NRF1: variants seen among roughly 807,000 people sequenced by gnomAD.
NRF1 encodes the protein nuclear respiratory factor 1.
NRF1 carries 5 observed loss-of-function variants against 58.5 expected under a neutral mutation model. That is an observed-to-expected ratio of 0.09 (90% CI 0.04 to 0.18). NRF1 has a LOEUF of 0.18. Ranked by LOEUF, NRF1 falls within the 10% of genes least tolerant of loss-of-function variation. The pLI is 1.00. For missense variants in NRF1, 288 were observed against 657.7 expected (o/e 0.44, Z 6.15); for synonymous variants, 224 against 246.7 (o/e 0.91, Z 0.86).
chr7:129,662,280 G>A (rs1016306289), intron 2 of NRF1, among the ~76,000 whole-genome samples: 1 of 151,714 alleles, frequency 6.6e-6, no homozygotes, highest in South Asian at 2.1e-4. Context: ...ATTTATTAAG[G>A]TGCTTCTAAA....
intron 5 of NRF1, among the ~76,000 whole-genome samples, chr7:129,694,618 T>G (rs1312235841): frequency 6.6e-6 from 1 of 152,244 alleles, no homozygotes; most frequent in African/African-American, 2.4e-5. Context: ...TTCTCCCATC[T>G]TGGCCTCCCA....
At chr7:129,673,467 C>T (rs993851908) in intron 3 of NRF1, among the ~76,000 whole-genome samples, 6 of 152,214 alleles carry the variant, frequency 3.9e-5, no homozygotes, top group East Asian at 1.9e-4. Flanking sequence ...CGGTGGCTCA[C>T]GCCTGTAATC....
intron 2 of NRF1, among the ~76,000 whole-genome samples, chr7:129,659,169 C>G (rs1400773861): frequency 1.4e-5 from 2 of 147,214 alleles, no homozygotes; most frequent in East Asian, 4.2e-4. Context: ...GCTTCTGCCT[C>G]CTGGGTTGGA....
intron 1 of NRF1, among the ~76,000 whole-genome samples, chr7:129,648,436 C>T (rs765098368): frequency 4.0e-5 from 6 of 151,828 alleles, no homozygotes; most frequent in South Asian, 2.1e-4. Flanking sequence ...CCCGCCACCA[C>T]GCCCGGCTAA....
intron 1 of NRF1, among the ~76,000 whole-genome samples, chr7:129,651,516 G>A (rs1259949409): frequency 6.6e-6 from 1 of 152,036 alleles, no homozygotes; most frequent in Non-Finnish European, 1.5e-5. Context: ...AGCCTGTGAA[G>A]CAGACAGCCC....
At chr7:129,678,983 G>C (rs1443789648) in intron 4 of NRF1, among the ~76,000 whole-genome samples, 1 of 152,104 alleles carries the variant, frequency 6.6e-6, no homozygotes, top group Non-Finnish European at 1.5e-5. Flanking sequence ...GATAAATACA[G>C]GTTAGGGACT....
In NRF1 at chr7:129,731,614, G is replaced by GTTTGTTTGT. The variant is rs542715058; in HGVS notation, c.1348+4252_1348+4260dup. On this transcript the variant is annotated intron_variant, in intron 10 of 10. Coordinates refer to ENST00000393232, the MANE Select transcript of NRF1 (RefSeq NM_005011.5). Reference sequence around the variant, plus strand: ...ACCAGATTAATTCCTTCCTTTACTTGTTTGTTTGTTTGTTTGTTTGTTTGT... The same window carrying GTTTGTTTGT: ...ACCAGATTAATTCCTTCCTTTACTTGTTTGTTTGTTTTGTTTGTTTGTTTGTTTGTTTGT... Among the ~76,000 whole-genome samples the GTTTGTTTGT allele has an allele frequency of 6.1e-3, 641 of 104,418 alleles. 4 individuals carry two copies. The highest frequency in any genetic ancestry group is 0.027 in the African/African-American group (610 of 22,474). 68.5% of individuals were successfully genotyped at this position (104,418 alleles called of 152,430 possible).
intron 1 of NRF1, among the ~76,000 whole-genome samples, chr7:129,656,644 G>A (rs1801662989): frequency 6.6e-6 from 1 of 151,880 alleles, no homozygotes; most frequent in South Asian, 2.1e-4. Context: ...GCACAACCTT[G>A]GCTCACTGCA....
intron 2 of NRF1, among the ~76,000 whole-genome samples, chr7:129,664,920 T>C (rs1801885415): frequency 6.6e-6 from 1 of 152,234 alleles, no homozygotes; most frequent in Non-Finnish European, 1.5e-5. Context: ...AGAGTTTGTT[T>C]CTGAAGGAGC....
At chr7:129,727,489 C>T (rs1308403094) in intron 10 of NRF1, 124 bp downstream of exon 10, 2 of 873,076 alleles carry the variant, frequency 2.3e-6, no homozygotes, top group Non-Finnish European at 3.3e-6. Flanking sequence ...CATTGGTAGA[C>T]ATTTCATGCC....
chr7:129,753,607 T>TA (rs940862835), intron 10 of NRF1, among the ~76,000 whole-genome samples: 64 of 152,354 alleles, frequency 4.2e-4, no homozygotes, highest in African/African-American at 1.4e-3. Context: ...TCCTTTTTTT[T>TA]AATGTATTAT....
At chr7:129,695,668 T>G (rs1379941347) in intron 5 of NRF1, among the ~76,000 whole-genome samples, 1 of 150,606 alleles carries the variant, frequency 6.6e-6, no homozygotes, top group Non-Finnish European at 1.5e-5. Flanking sequence ...CTCTTTCTTT[T>G]GGGAGATTTT....
intron 4 of NRF1, among the ~76,000 whole-genome samples, chr7:129,687,380 A>G (rs578025155): frequency 6.6e-5 from 10 of 151,934 alleles, no homozygotes; most frequent in Middle Eastern, 3.4e-3. Flanking sequence ...GGTTCAAGCA[A>G]TTCTCCTACC....
chr7:129,643,333 C>T (rs1339888873), intron 1 of NRF1, among the ~76,000 whole-genome samples: 2 of 152,206 alleles, frequency 1.3e-5, no homozygotes, highest in African/African-American at 4.8e-5. Context: ...TGCTGTTTCA[C>T]AGTATGCAGG....
intron 1 of NRF1, among the ~76,000 whole-genome samples, chr7:129,627,991 A>G (rs1412454079): frequency 7.8e-6 from 1 of 128,202 alleles, no homozygotes; most frequent in South Asian, 2.4e-4. Flanking sequence ...TTGGATTATT[A>G]TTTGTGTTTT....
At chr7:129,680,484 A>G (rs1248100773) in intron 4 of NRF1, among the ~76,000 whole-genome samples, 1 of 152,228 alleles carries the variant, frequency 6.6e-6, no homozygotes, top group Non-Finnish European at 1.5e-5. Flanking sequence ...TCATACACAA[A>G]CTTGTATACA....
chr7:129,667,681 A>G (rs1233630962), intron 2 of NRF1, among the ~76,000 whole-genome samples: 3 of 151,750 alleles, frequency 2.0e-5, no homozygotes, highest in Non-Finnish European at 2.9e-5. Context: ...CTGACTTTAT[A>G]AAATATTCTA....
intron 10 of NRF1, among the ~76,000 whole-genome samples, chr7:129,736,621 G>A (rs1280353948): frequency 1.6e-5 from 2 of 127,352 alleles, no homozygotes; most frequent in Non-Finnish European, 3.3e-5. Flanking sequence ...TTTTTTTTTG[G>A]TATCTATAGC....
At chr7:129,670,315 T>C (rs1011903245) in intron 2 of NRF1, among the ~76,000 whole-genome samples, 48 of 152,212 alleles carry the variant, frequency 3.2e-4, no homozygotes, top group African/African-American at 1.1e-3. Flanking sequence ...ATAACAAACA[T>C]GTTAAGTGTT....
Sources: gnomAD v4.1 joint callset for allele counts (sites outside exome capture counted in the v4.1 genomes callset) on GRCh38, gnomAD v4.1.1 for gene constraint, MANE v1.5 for transcripts, NCBI Gene and HGNC (gene_info 2026-07-23, HGNC 2026-07-21) for gene names.